TGFBR2: variants seen among roughly 807,000 people sequenced by gnomAD.
The protein encoded by TGFBR2 is TGF-beta receptor type-2.
A neutral mutation model predicts 49.0 loss-of-function variants in TGFBR2; 18 were observed. The ratio of observed to expected loss-of-function variants is 0.37; its 90% confidence interval spans 0.25 to 0.54. The LOEUF is 0.54. Ranked by LOEUF, TGFBR2 falls within the 20% of genes least tolerant of loss-of-function variation. The pLI is 0.85. For synonymous variants in TGFBR2, 282 were observed against 275.9 expected (o/e 1.02, Z -0.22); for missense variants, 525 against 722.6 (o/e 0.73, Z 3.13).
At chr3:30,651,087 A>G (rs540632279) in intron 3 of TGFBR2, among the ~76,000 whole-genome samples, 1 of 152,340 alleles carries the variant, frequency 6.6e-6, no homozygotes, top group East Asian at 1.9e-4. Context: ...ACTAGCCTCC[A>G]TCTTTGAAGT....
Position 30,691,609 on chromosome 3 carries a change from G to T in TGFBR2, c.*10G>T, listed in dbSNP as rs766751602. The T allele has an allele frequency of 1.1e-5, 18 of 1,613,992 alleles. No homozygotes were observed. Among genetic ancestry groups the T allele is most frequent in the Non-Finnish European group, 1.5e-5 (18 of 1,179,948 alleles). On this transcript the variant is annotated 3_prime_UTR_variant, in exon 7 of 7. Coordinates refer to ENST00000295754, the MANE Select transcript of TGFBR2 (RefSeq NM_003242.6). ...AAACACTACCAAATAGCTCTTCTGG[G>T]GCAGGCTGGGCCATGTCCAAAGAGG...
rs180770012 is a variant in TGFBR2, at chr3:30,630,557, T to C, written c.95-14190T>C. Among the ~76,000 whole-genome samples the C allele has an allele frequency of 4.6e-5, 7 of 152,346 alleles. No homozygotes were observed. In the East Asian group the frequency reaches 1.4e-3, roughly 29 times the overall value. ...CTTAAAATCACTGCTGGAATCTATC[T>C]TGACTTTTCCACAGCCCATTGACAA... On this transcript the variant is annotated intron_variant, in intron 1 of 6. Coordinates refer to ENST00000295754, the MANE Select transcript of TGFBR2 (RefSeq NM_003242.6).
At chr3:30,667,789 T>C (rs1343410721) in intron 3 of TGFBR2, among the ~76,000 whole-genome samples, 1 of 152,226 alleles carries the variant, frequency 6.6e-6, no homozygotes, top group Non-Finnish European at 1.5e-5. Flanking sequence ...CAAAGCTAAG[T>C]AATTATGCAG....
chr3:30,668,007 C>G (rs555121210), intron 3 of TGFBR2, among the ~76,000 whole-genome samples: 19 of 152,190 alleles, frequency 1.2e-4, no homozygotes, highest in Admixed American at 8.5e-4. Context: ...ATCTCTGTTG[C>G]ATGAACCTCT....
chr3:30,689,894 T>G lies in TGFBR2; in HGVS notation c.1524+1383T>G, dbSNP rs866939661. 2.0e-5 allele frequency among the ~76,000 whole-genome samples: 3 copies of G among 152,368 alleles called. No individual in the cohort carries two copies. The South Asian group carries it at 6.2e-4, about 32-fold the overall frequency. ...TGATTTCAAGTTAATGCTTAATATT[T>G]AATTTAATTTACTGCCTGTAATTAC... On this transcript the variant is annotated intron_variant, in intron 6 of 6. Coordinates refer to ENST00000295754, the MANE Select transcript of TGFBR2 (RefSeq NM_003242.6).
chr3:30,670,901 C>T (rs1436443568), intron 3 of TGFBR2, among the ~76,000 whole-genome samples: 6 of 152,188 alleles, frequency 3.9e-5, no homozygotes. Flanking sequence ...GATAACTGTC[C>T]AAAGAGATCC....
intron 1 of TGFBR2, among the ~76,000 whole-genome samples, chr3:30,616,066 A>C (rs1344646485): frequency 2.6e-5 from 4 of 152,122 alleles, no homozygotes; most frequent in African/African-American, 9.7e-5. Context: ...AATTCTAAAT[A>C]AATATTCACT....
intron 2 of TGFBR2, 77 bp from the exon 3 acceptor site, chr3:30,650,193 C>T: frequency 4.9e-6 from 7 of 1,442,512 alleles, no homozygotes; most frequent in South Asian, 1.1e-5. Context: ...GCCTTTCTGT[C>T]TGGAGGCCAT....
chr3:30,616,450 G>A (rs1698135493), intron 1 of TGFBR2, among the ~76,000 whole-genome samples: 1 of 152,178 alleles, frequency 6.6e-6, no homozygotes, highest in Admixed American at 6.5e-5. Flanking sequence ...GAGATTAGAA[G>A]GACTCTACCT....
At chr3:30,659,688 A>G (rs1031775103) in intron 3 of TGFBR2, among the ~76,000 whole-genome samples, 3 of 150,940 alleles carry the variant, frequency 2.0e-5, no homozygotes, top group Non-Finnish European at 4.4e-5. Context: ...AATTCCATCC[A>G]CTGGATATGA....
chr3:30,631,441 A>G (rs962366266), intron 1 of TGFBR2, among the ~76,000 whole-genome samples: 2 of 152,136 alleles, frequency 1.3e-5, no homozygotes, highest in African/African-American at 4.8e-5. Flanking sequence ...CATCAAGGTC[A>G]TGACAGCAAT....
At chr3:30,636,859 T>C (rs1698543714) in intron 1 of TGFBR2, among the ~76,000 whole-genome samples, 1 of 151,608 alleles carries the variant, frequency 6.6e-6, no homozygotes, top group Non-Finnish European at 1.5e-5. Flanking sequence ...GGTCAGGAGA[T>C]CGAGACCATC....
intron 1 of TGFBR2, among the ~76,000 whole-genome samples, chr3:30,616,034 C>T (rs893507056): frequency 1.3e-5 from 2 of 152,146 alleles, no homozygotes; most frequent in African/African-American, 4.8e-5. Flanking sequence ...TAAGCCACTG[C>T]ACCCGGCCTG....
intron 5 of TGFBR2, among the ~76,000 whole-genome samples, chr3:30,680,148 A>G: frequency 7.2e-6 from 1 of 137,976 alleles, no homozygotes; most frequent in Admixed American, 7.6e-5. Flanking sequence ...AAAAAATAGT[A>G]GCTATGATTC....
chr3:30,617,303 A>G (rs976100223), intron 1 of TGFBR2, among the ~76,000 whole-genome samples: 1 of 152,206 alleles, frequency 6.6e-6, no homozygotes, highest in Admixed American at 6.5e-5. Flanking sequence ...GAATCTTTCA[A>G]CTTTTGCTGT....
chr3:30,669,540 A>G (rs982602652), intron 3 of TGFBR2, among the ~76,000 whole-genome samples: 2 of 152,174 alleles, frequency 1.3e-5, no homozygotes, highest in Non-Finnish European at 2.9e-5. Flanking sequence ...TAGGGCTCAC[A>G]GATTGGTTCA....
chr3:30,682,894 G>A (rs1325272848), intron 5 of TGFBR2, among the ~76,000 whole-genome samples: 2 of 152,172 alleles, frequency 1.3e-5, no homozygotes, highest in African/African-American at 4.8e-5. Context: ...GTCACATTTG[G>A]GAAGGGCATG....
At chr3:30,661,199 C>CA (rs1699120846) in intron 3 of TGFBR2, among the ~76,000 whole-genome samples, 1 of 152,070 alleles carries the variant, frequency 6.6e-6, no homozygotes, top group Non-Finnish European at 1.5e-5. Context: ...GGGATCCTAA[C>CA]AAAACCTAAG....
At chr3:30,653,547 C>T (rs1273944420) in intron 3 of TGFBR2, among the ~76,000 whole-genome samples, 17 of 152,070 alleles carry the variant, frequency 1.1e-4, no homozygotes, top group African/African-American at 3.9e-4. Context: ...CCACCACACC[C>T]GGCCAGAATG....
Sources: allele counts gnomAD v4.1 joint callset (sites outside exome capture counted in the v4.1 genomes callset), GRCh38; gene constraint gnomAD v4.1.1; transcripts MANE v1.5; gene names NCBI Gene and HGNC (gene_info 2026-07-23, HGNC 2026-07-21).